The following OR13C3 variants were observed in gnomAD, a reference collection of about 807,000 sequenced individuals.
OR13C3 encodes olfactory receptor 13C3.
Under a neutral mutation model 14.4 loss-of-function variants are expected in OR13C3, and 19 were observed. The observed-to-expected ratio is 1.31, with a 90% CI of 0.92 to 1.93. OR13C3 has a LOEUF of 1.93. Ranked by LOEUF, OR13C3 falls within the 30% of genes most tolerant of loss-of-function variation. OR13C3 has a pLI of 0.00. For missense variants in OR13C3, 394 were observed against 381.4 expected, an observed-to-expected ratio of 1.03 and a Z score of -0.27; for synonymous variants, 140 against 142.5, an observed-to-expected ratio of 0.98 and a Z score of 0.12.
chr9:104,536,576 T>C (rs1245245454), exon 1 of OR13C3: 3 of 1,614,008 alleles, frequency 1.9e-6, no homozygotes, highest in Non-Finnish European at 2.5e-6. Flanking sequence ...GAATCAAAGA[T>C]GCTGGCTATG....
At chr9:104,536,002 C>G (rs1564208517) in exon 1 of OR13C3, 1 of 1,613,914 alleles carries the variant, frequency 6.2e-7, no homozygotes, top group Admixed American at 1.7e-5. Flanking sequence ...GTGAGCTGAG[C>G]ACGTGGAAAA....
chr9:104,536,326 G>T, exon 1 of OR13C3: 1 of 1,614,092 alleles, frequency 6.2e-7, no homozygotes. Context: ...CAGGATGATG[G>T]GGTATCTCAG....
chr9:104,536,292 C>G (rs747684084), exon 1 of OR13C3: 2 of 1,614,098 alleles, frequency 1.2e-6, no homozygotes. Context: ...ACACAGAAGC[C>G]ATCAATACAT....
exon 1 of OR13C3, chr9:104,536,809 A>G (rs745909041): frequency 1.2e-6 from 2 of 1,606,878 alleles, no homozygotes; most frequent in South Asian, 1.1e-5. Flanking sequence ...TAACTGAACA[A>G]TCATTCTTTT....
chr9:104,536,721 C>T (rs761466774), exon 1 of OR13C3: 1 of 1,613,738 alleles, frequency 6.2e-7, no homozygotes, highest in East Asian at 2.2e-5. Context: ...TAATCTCACC[C>T]ATGTCATCTG....
At position 104,536,085 on chromosome 9, in the gene OR13C3, G is replaced by A. The variant is rs375769445; in HGVS notation, c.639C>T (p.Val213=). ...GGATGAACATATAGGAGAAAAAAAT[G>A]ACCATCAGTGGAAGAACCAGGAAGG... is the stretch of plus-strand genomic sequence containing the variant. Residue 213 remains valine (V), a synonymous_variant, in exon 1 of 1, where the codon GTC becomes GTT. Coordinates refer to ENST00000641090, the Ensembl canonical transcript of OR13C3. The A allele has an allele frequency of 5.0e-6, 8 of 1,613,846 alleles. No homozygotes were observed. The African/African-American group carries it at 5.3e-5, about 11-fold the overall frequency.
exon 1 of OR13C3, chr9:104,536,206 A>T (rs761825669): frequency 1.2e-5 from 19 of 1,614,008 alleles, no homozygotes; most frequent in Non-Finnish European, 1.4e-5. Flanking sequence ...ATGATTGATA[A>T]TATTATTCCC....
chr9:104,535,991 G>A, exon 1 of OR13C3: 1 of 1,613,948 alleles, frequency 6.2e-7, no homozygotes, highest in Non-Finnish European at 8.5e-7. Context: ...ACCACAGTCA[G>A]GTGAGCTGAG....
exon 1 of OR13C3, chr9:104,536,004 C>T (rs41312212): frequency 0.032 from 52,203 of 1,613,816 alleles, 1,349 homozygotes; most frequent in East Asian, 0.17. Flanking sequence ...GAGCTGAGCA[C>T]GTGGAAAATG....
At chr9:104,536,074 G>A (rs753678810) in exon 1 of OR13C3, 3 of 1,613,972 alleles carry the variant, frequency 1.9e-6, no homozygotes, top group South Asian at 1.1e-5. Context: ...GAACATATAG[G>A]AGAAAAAAAT....
chr9:104,535,930 T>C (rs769759128), exon 1 of OR13C3: 1 of 1,614,150 alleles, frequency 6.2e-7, no homozygotes, highest in South Asian at 1.1e-5. Flanking sequence ...AATCAGGTCT[T>C]GAGACTTCGG....
exon 1 of OR13C3, chr9:104,536,454 T>A (rs758962913): frequency 6.2e-7 from 1 of 1,614,180 alleles, no homozygotes. Flanking sequence ...AGGAAATGTT[T>A]CTTTTCTTTG....
exon 1 of OR13C3, chr9:104,536,588 T>G (rs925631053): frequency 1.2e-6 from 2 of 1,614,018 alleles, no homozygotes; most frequent in South Asian, 2.2e-5. Context: ...CTGGCTATGA[T>G]TAGAACACCA....
In OR13C3 at chr9:104,536,804, G is replaced by C; in HGVS notation, c.-81C>G. On this transcript the variant is annotated 5_prime_UTR_variant, in exon 1 of 1. The change creates a premature stop within an existing upstream ORF in the 5' untranslated region. Transcript: ENST00000641090. Reference sequence around the variant, plus strand: ...AAGAAACAAACAGTACAAATTAACTGAACAATCATTCTTTTGACACATATT... The same window carrying C: ...AAGAAACAAACAGTACAAATTAACTCAACAATCATTCTTTTGACACATATT... The C allele has an allele frequency of 6.2e-7, 1 of 1,607,756 alleles. No homozygotes were observed. Among genetic ancestry groups the C allele is most frequent in the Non-Finnish European group, 8.5e-7 (1 of 1,176,080 alleles).
chr9:104,535,806 A>G (rs891461611), exon 1 of OR13C3: 1 of 1,612,852 alleles, frequency 6.2e-7, no homozygotes, highest in Non-Finnish European at 8.5e-7. Flanking sequence ...AATATTTTAC[A>G]GCAGCTTTTA....
chr9:104,536,418 G>C (rs1251446369), exon 1 of OR13C3: 2 of 1,614,104 alleles, frequency 1.2e-6, no homozygotes, highest in Non-Finnish European at 1.7e-6. Context: ...CAAACCCAAA[G>C]AACATCTGCA....
exon 1 of OR13C3, chr9:104,536,404 A>C: frequency 6.2e-7 from 1 of 1,614,168 alleles, no homozygotes; most frequent in South Asian, 1.1e-5. Context: ...TGTTGACCCC[A>C]TTGCAAACCC....
At chr9:104,535,916 C>T in exon 1 of OR13C3, 1 of 1,614,062 alleles carries the variant, frequency 6.2e-7, no homozygotes, top group South Asian at 1.1e-5. Flanking sequence ...AATTTTTCTT[C>T]CCCAATCAGG....
At chr9:104,536,131 G>C (rs1828813645) in exon 1 of OR13C3, 1 of 1,613,536 alleles carries the variant, frequency 6.2e-7, no homozygotes, top group Admixed American at 1.7e-5. Context: ...TATCACCATG[G>C]TGATAATATT....
Sources: allele counts gnomAD v4.1 joint callset, GRCh38; gene constraint gnomAD v4.1.1; transcripts MANE v1.5; gene names NCBI Gene and HGNC (gene_info 2026-07-23, HGNC 2026-07-21).